TMOD3: variants seen among roughly 807,000 people sequenced by gnomAD.
TMOD3 encodes the protein tropomodulin-3.
Under a neutral mutation model 39.2 loss-of-function variants are expected in TMOD3, and 20 were observed. That is an observed-to-expected ratio of 0.51 (90% CI 0.36 to 0.74). The LOEUF is 0.74. TMOD3 is among the 30% of genes least tolerant of loss of function. The pLI is 0.00. For synonymous variants in TMOD3, 143 were observed against 145.8 expected, an observed-to-expected ratio of 0.98 and a Z score of 0.14; for missense variants, 381 against 412.8, an observed-to-expected ratio of 0.92 and a Z score of 0.67.
chr15:51,908,143 G>A (rs561196191), intron 9 of TMOD3, among the ~76,000 whole-genome samples: 61 of 152,330 alleles, frequency 4.0e-4, no homozygotes, highest in African/African-American at 1.4e-3. Context: ...GAAATACATT[G>A]TAGTGTCTAA....
chr15:51,878,378 G>GTGTA (rs2056516118), intron 3 of TMOD3, among the ~76,000 whole-genome samples: 1 of 95,780 alleles, frequency 1.0e-5, no homozygotes, highest in East Asian at 1.3e-3. Flanking sequence ...TAAAATATAT[G>GTGTA]TGTGTGTGTG....
rs544462804 is a variant in TMOD3, at chr15:51,846,728, C to T, written c.-74-16083C>T. Among the ~76,000 whole-genome samples, 9 of 152,288 alleles carry T rather than the reference C, an allele frequency of 5.9e-5. No homozygotes were observed. The South Asian group carries it at 1.7e-3, about 28-fold the overall frequency. On this transcript the variant is annotated intron_variant, in intron 1 of 9. Transcript: ENST00000308580. ...GTAGGACTGGTAGAAGTCTCTTTTT[C>T]AGTTAACCAGCAGAGATAAAGAACT...
chr15:51,879,964 T>G (rs976556660), intron 3 of TMOD3, among the ~76,000 whole-genome samples: 1 of 151,698 alleles, frequency 6.6e-6, no homozygotes, highest in Non-Finnish European at 1.5e-5. Flanking sequence ...TGCAAGACAT[T>G]GAGAGCACAA....
In TMOD3 at chr15:51,850,996, G is replaced by A. The variant is rs145759609; in HGVS notation, c.-74-11815G>A. 1.4e-3 allele frequency among the ~76,000 whole-genome samples: 206 copies of A among 152,322 alleles called. 3 individuals are homozygous for A. The highest frequency in any genetic ancestry group is 4.8e-3 in the African/African-American group (200 of 41,560). On this transcript the variant is annotated intron_variant, in intron 1 of 9. Coordinates refer to ENST00000308580, the MANE Select transcript of TMOD3 (RefSeq NM_014547.5). ...AATTCGCCAACCTTGGCCTCCCAAAGTGTACAGGCATGAGCCACCGCACTC... is the reference window on the plus strand; with the variant it reads ...AATTCGCCAACCTTGGCCTCCCAAAATGTACAGGCATGAGCCACCGCACTC...
At chr15:51,836,008 A>G (rs1035472752) in intron 1 of TMOD3, among the ~76,000 whole-genome samples, 3 of 152,244 alleles carry the variant, frequency 2.0e-5, no homozygotes, top group African/African-American at 7.2e-5. Flanking sequence ...TGAATCCTAA[A>G]GCTTAACTAA....
At chr15:51,874,004 C>G (rs1343410519) in intron 3 of TMOD3, among the ~76,000 whole-genome samples, 1 of 152,184 alleles carries the variant, frequency 6.6e-6, no homozygotes, top group Admixed American at 6.5e-5. Flanking sequence ...TTCTTATATT[C>G]TGAGACTGAC....
rs1169091888 is a variant in TMOD3, at chr15:51,908,984, T to C, written c.*174T>C. The C allele has an allele frequency of 2.3e-6, 1 of 433,252 alleles. No homozygotes were observed. The highest frequency in any genetic ancestry group is 4.1e-6 in the Non-Finnish European group (1 of 242,908). The allele number at this position is 433,252 out of a possible 1,614,324, so 26.8% of individuals were successfully genotyped here. On this transcript the variant is annotated 3_prime_UTR_variant, in exon 10 of 10. Coordinates refer to ENST00000308580, the MANE Select transcript of TMOD3 (RefSeq NM_014547.5). ...GTAAAATCAGTAATGTGATATTTTA[T>C]ATTCTGAAACATTTCTACTTTCTGC...
rs1459462672 is a variant in TMOD3, at chr15:51,909,806, A to G, written c.*996A>G. 2 of 152,238 alleles carry G rather than the reference A, an allele frequency of 1.3e-5. No homozygotes were observed. Among genetic ancestry groups the G allele is most frequent in the African/African-American group, 4.8e-5 (2 of 41,468 alleles). 9.4% of individuals were successfully genotyped at this position (152,238 alleles called of 1,614,324 possible). ...ACTTGGTGTTACACCATATCCGAAG[A>G]AGTTCCTATGTGCAGTGCAGAATTG... On this transcript the variant is annotated 3_prime_UTR_variant, in exon 10 of 10. Coordinates refer to ENST00000308580, the MANE Select transcript of TMOD3 (RefSeq NM_014547.5).
chr15:51,839,086 A>G (rs1032600031), intron 1 of TMOD3, among the ~76,000 whole-genome samples: 1 of 150,894 alleles, frequency 6.6e-6, no homozygotes, highest in African/African-American at 2.4e-5. Flanking sequence ...TGATGTCAGA[A>G]GGAAGTGACC....
At chr15:51,896,637 C>T (rs917359627) in intron 7 of TMOD3, 111 bp downstream of exon 7, 20 of 733,496 alleles carry the variant, frequency 2.7e-5, no homozygotes, top group Non-Finnish European at 4.5e-5. Context: ...TTTTAGCTCA[C>T]TATTAGGCAG....
At chr15:51,859,391 T>C in intron 1 of TMOD3, 1 of 686,008 alleles carries the variant, frequency 1.5e-6, no homozygotes, top group Non-Finnish European at 2.8e-6. Flanking sequence ...AATATTCTCT[T>C]AATGTTCACC....
In TMOD3 at chr15:51,913,824, G is replaced by A. The variant is rs189722557; in HGVS notation, c.*5014G>A. On this transcript the variant is annotated 3_prime_UTR_variant, in exon 10 of 10. Transcript: ENST00000308580. The stretch of plus-strand genomic sequence containing the variant: ...GCTCAGGAGTTTGAGACCAACCTGC[G>A]TAACATGGTGAAACCCCATATCTAC... 54 of 152,006 alleles carry A rather than the reference G, an allele frequency of 3.6e-4. No homozygotes were observed. Among genetic ancestry groups the A allele is most frequent in the African/African-American group, 1.2e-3 (49 of 41,448 alleles). The allele number at this position is 152,006 out of a possible 1,614,324, so 9.4% of individuals were successfully genotyped here.
intron 1 of TMOD3, chr15:51,861,291 A>G (rs2056417317): frequency 5.3e-6 from 2 of 374,350 alleles, no homozygotes; most frequent in Non-Finnish European, 1.1e-5. Flanking sequence ...TATCTCTGCC[A>G]TGAGGTCCGA....
chr15:51,907,015 C>T (rs888629509), intron 9 of TMOD3, among the ~76,000 whole-genome samples: 37 of 115,198 alleles, frequency 3.2e-4, no homozygotes, highest in African/African-American at 1.1e-3. Flanking sequence ...AGCGAAACTC[C>T]GTCTCAAAAA....
At position 51,887,635 on chromosome 15, in the gene TMOD3, A is replaced by G; in HGVS notation, c.330A>G (p.Glu110=). 1.2e-6 allele frequency: 2 copies of G among 1,613,866 alleles called. No homozygotes were observed. The highest frequency in any genetic ancestry group is 1.3e-5 in the African/African-American group (1 of 75,056). Reference sequence around the variant, plus strand: ...AGAAACCTGTACAGACTTTTACAGAAGAAAAAGTGTCTCTTGATCCAGAAT... The same window carrying G: ...AGAAACCTGTACAGACTTTTACAGAGGAAAAAGTGTCTCTTGATCCAGAAT... The part of the protein sequence containing the change: ...PKQKPVQTFT[E]EKVSLDPELE... Residue 110 remains glutamate (E), a synonymous_variant, in exon 4 of 10, where the codon GAA becomes GAG. Coordinates refer to ENST00000308580, the MANE Select transcript of TMOD3 (RefSeq NM_014547.5).
intron 1 of TMOD3, among the ~76,000 whole-genome samples, chr15:51,840,085 C>G (rs117078541): frequency 0.015 from 2,342 of 152,254 alleles, 86 homozygotes; most frequent in Admixed American, 0.075. Flanking sequence ...TCAAAGTGCT[C>G]ACAATCTATG....
intron 3 of TMOD3, 139 bp downstream of exon 3, chr15:51,869,512 T>G: frequency 2.6e-6 from 2 of 781,042 alleles, no homozygotes; most frequent in Non-Finnish European, 4.0e-6. Flanking sequence ...AGACATTTAT[T>G]GGTTTAGATA....
intron 1 of TMOD3, chr15:51,860,613 T>A (rs1447972370): frequency 1.8e-6 from 1 of 546,474 alleles, no homozygotes; most frequent in Non-Finnish European, 3.6e-6. Context: ...CTTGCTAAGT[T>A]GAGTTTTAGT....
intron 2 of TMOD3, among the ~76,000 whole-genome samples, chr15:51,866,014 A>G (rs879747324): frequency 5.3e-5 from 8 of 152,166 alleles, no homozygotes; most frequent in Non-Finnish European, 1.2e-4. Context: ...GAAACGTGTC[A>G]TTTTTAGTGA....
Sources: gnomAD v4.1 joint callset for allele counts (sites outside exome capture counted in the v4.1 genomes callset) on GRCh38, gnomAD v4.1.1 for gene constraint, MANE v1.5 for transcripts, NCBI Gene and HGNC (gene_info 2026-07-23, HGNC 2026-07-21) for gene names.